KCNJ3: variants seen among roughly 807,000 people sequenced by gnomAD.
The protein encoded by KCNJ3 is potassium inwardly rectifying channel subfamily J member 3.
A neutral mutation model predicts 39.2 loss-of-function variants in KCNJ3; 4 were observed. The observed-to-expected ratio is 0.10, with a 90% CI of 0.05 to 0.23. The LOEUF is 0.23. Among genes scored for constraint, KCNJ3 ranks in the 10% least tolerant of loss-of-function variants. KCNJ3 has a pLI of 1.00. For synonymous variants in KCNJ3, 230 were observed against 237.4 expected (o/e 0.97, Z 0.29); for missense variants, 276 against 634.9 (o/e 0.43, Z 6.08).
chr2:154,778,101 T>G (rs1001049710), intron 2 of KCNJ3, among the ~76,000 whole-genome samples: 3 of 149,794 alleles, frequency 2.0e-5, no homozygotes, highest in African/African-American at 7.4e-5. Context: ...CTTATAACAT[T>G]GTGTTGCCTT....
intron 2 of KCNJ3, among the ~76,000 whole-genome samples, chr2:154,720,113 A>C (rs533516816): frequency 6.6e-6 from 1 of 152,200 alleles, no homozygotes; most frequent in East Asian, 1.9e-4. Flanking sequence ...TATGAACTGG[A>C]ACATCTTAAT....
chr2:154,749,000 C>G (rs1481030067), intron 2 of KCNJ3, among the ~76,000 whole-genome samples: 1 of 152,138 alleles, frequency 6.6e-6, no homozygotes, highest in African/African-American at 2.4e-5. Flanking sequence ...TATTTTTATT[C>G]TCCAACATCA....
At chr2:154,829,295 A>G (rs983064198) in intron 2 of KCNJ3, among the ~76,000 whole-genome samples, 1 of 152,098 alleles carries the variant, frequency 6.6e-6, no homozygotes, top group Admixed American at 6.6e-5. Flanking sequence ...GCTACCCTCA[A>G]GTAGGCCCTG....
At chr2:154,799,651 T>C (rs1686777564) in intron 2 of KCNJ3, among the ~76,000 whole-genome samples, 2 of 152,190 alleles carry the variant, frequency 1.3e-5, no homozygotes, top group South Asian at 2.1e-4. Context: ...CCTCTTCCAA[T>C]CTACCATTCC....
At chr2:154,766,408 G>A (rs914686271) in intron 2 of KCNJ3, among the ~76,000 whole-genome samples, 1 of 151,968 alleles carries the variant, frequency 6.6e-6, no homozygotes, top group Admixed American at 6.6e-5. Context: ...AAGGTTGCAG[G>A]TTTTCTTCTG....
At position 154,770,912 on chromosome 2, in the gene KCNJ3, AT is replaced by A. The variant is rs541436390; in HGVS notation, c.919+61094del. On this transcript the variant is annotated intron_variant, in intron 2 of 2. Coordinates refer to ENST00000295101, the MANE Select transcript of KCNJ3 (RefSeq NM_002239.4). ...TTTTTCTTTTTTTTTTTTTTTTGAG[AT>A]GGAGTCTTTCTCTGTTGCCCAGGCT... 3.3e-3 allele frequency among the ~76,000 whole-genome samples: 381 copies of A among 114,586 alleles called. 3 individuals are homozygous for A. The highest frequency in any genetic ancestry group is 0.012 in the African/African-American group (364 of 30,652). The allele number at this position is 114,586 out of a possible 152,430, so 75.2% of individuals were successfully genotyped here.
intron 2 of KCNJ3, among the ~76,000 whole-genome samples, chr2:154,853,403 G>GA (rs1264858485): frequency 6.6e-6 from 1 of 151,898 alleles, no homozygotes; most frequent in Non-Finnish European, 1.5e-5. Flanking sequence ...TAGTCAGTTA[G>GA]AAAAAAGACA....
intron 2 of KCNJ3, among the ~76,000 whole-genome samples, chr2:154,764,566 A>G (rs1686099707): frequency 6.6e-6 from 1 of 152,176 alleles, no homozygotes; most frequent in Non-Finnish European, 1.5e-5. Flanking sequence ...AACTTTCTTG[A>G]GTGAATATTG....
intron 2 of KCNJ3, among the ~76,000 whole-genome samples, chr2:154,736,867 T>C (rs888837235): frequency 1.6e-5 from 2 of 125,934 alleles, no homozygotes; most frequent in African/African-American, 5.5e-5. Flanking sequence ...TTACTGCTTA[T>C]ACTTTTTTCC....
At chr2:154,771,438 A>T (rs987774426) in intron 2 of KCNJ3, among the ~76,000 whole-genome samples, 3 of 152,184 alleles carry the variant, frequency 2.0e-5, no homozygotes, top group Admixed American at 2.0e-4. Context: ...AATACTGGAG[A>T]ATTGCTTTAT....
chr2:154,826,586 C>T (rs1464447921), intron 2 of KCNJ3, among the ~76,000 whole-genome samples: 1 of 152,120 alleles, frequency 6.6e-6, no homozygotes, highest in Non-Finnish European at 1.5e-5. Context: ...AGTTAAAACT[C>T]GTTTTATATG....
intron 2 of KCNJ3, among the ~76,000 whole-genome samples, chr2:154,734,476 A>G (rs1685490604): frequency 6.6e-6 from 1 of 152,194 alleles, no homozygotes; most frequent in Non-Finnish European, 1.5e-5. Flanking sequence ...ATCAACCACA[A>G]TTAAGTGTGA....
rs1687859956 is a variant in KCNJ3 at position 154,857,583 on chromosome 2, T to A, written c.*2270T>A. The stretch of plus-strand genomic sequence containing the variant: ...CACTTCAGACAATCAAAGTATCAGT[T>A]AAGAGAATGAAAACAGGCCTGACTC... On this transcript the variant is annotated 3_prime_UTR_variant, in exon 3 of 3. Coordinates refer to ENST00000295101, the MANE Select transcript of KCNJ3 (RefSeq NM_002239.4). The A allele has an allele frequency of 6.6e-6, 1 of 151,882 alleles. No individual in the cohort carries two copies. The highest frequency in any genetic ancestry group is 2.1e-4 in the South Asian group (1 of 4,812). The allele number at this position is 151,882 out of a possible 1,614,324, so 9.4% of individuals were successfully genotyped here.
chr2:154,720,951 G>A (rs1685255019), intron 2 of KCNJ3, among the ~76,000 whole-genome samples: 1 of 151,882 alleles, frequency 6.6e-6, no homozygotes, highest in African/African-American at 2.4e-5. Context: ...GTGTGTGTGT[G>A]TATTTATTCA....
chr2:154,823,398 T>A (rs534484478), intron 2 of KCNJ3, among the ~76,000 whole-genome samples: 32 of 115,206 alleles, frequency 2.8e-4, no homozygotes. Flanking sequence ...GTAGAAACTT[T>A]CCACATTCTT....
At chr2:154,778,779 A>G (rs1026882682) in intron 2 of KCNJ3, among the ~76,000 whole-genome samples, 13 of 152,082 alleles carry the variant, frequency 8.5e-5, no homozygotes, top group Admixed American at 8.5e-4. Context: ...TCTTTTTTCT[A>G]TTCCTTTCCT....
intron 1 of KCNJ3, among the ~76,000 whole-genome samples, chr2:154,703,373 G>A (rs1684943961): frequency 6.6e-6 from 1 of 151,922 alleles, no homozygotes; most frequent in African/African-American, 2.4e-5. Flanking sequence ...GGTCAGCTGT[G>A]CAATCCTTAA....
At chr2:154,829,758 T>A (rs1392550397) in intron 2 of KCNJ3, among the ~76,000 whole-genome samples, 1 of 152,140 alleles carries the variant, frequency 6.6e-6, no homozygotes, top group East Asian at 1.9e-4. Context: ...GCCTCTATTT[T>A]TGACAGTTTA....
At chr2:154,789,419 A>G (rs1381160240) in intron 2 of KCNJ3, among the ~76,000 whole-genome samples, 1 of 152,068 alleles carries the variant, frequency 6.6e-6, no homozygotes, top group Non-Finnish European at 1.5e-5. Flanking sequence ...AAGAGCAAAC[A>G]AAGCTAGGGA....
Sources: gnomAD v4.1 joint callset for allele counts (sites outside exome capture counted in the v4.1 genomes callset) on GRCh38, gnomAD v4.1.1 for gene constraint, MANE v1.5 for transcripts, NCBI Gene and HGNC (gene_info 2026-07-23, HGNC 2026-07-21) for gene names.